PPP1R21: variants seen among roughly 807,000 people sequenced by gnomAD.
PPP1R21 encodes the protein KLRAQ motif containing 1.
In PPP1R21, 85 loss-of-function variants were observed where a neutral mutation model predicts 112.8. The ratio of observed to expected loss-of-function variants is 0.75; its 90% confidence interval spans 0.63 to 0.90. The LOEUF (loss-of-function observed/expected upper bound fraction) is 0.90. PPP1R21 is among the 40% of genes least tolerant of loss of function. The probability of loss-of-function intolerance (pLI) is 0.00; values close to 1 mark genes in which losing one functional copy is unlikely to be tolerated. For missense variants in PPP1R21, 1,199 were observed against 901.5 expected (o/e 1.33, Z -4.23); for synonymous variants, 381 against 322.3 (o/e 1.18, Z -1.95).
intron 17 of PPP1R21, among the ~76,000 whole-genome samples, chr2:48,502,955 C>T (rs564738344): frequency 1.2e-3 from 181 of 152,208 alleles, no homozygotes; most frequent in African/African-American, 4.2e-3. Flanking sequence ...GCTGGGATTA[C>T]AGGTGTGAGC....
chr2:48,502,962 G>C (rs1179440370), intron 17 of PPP1R21, among the ~76,000 whole-genome samples: 1 of 152,068 alleles, frequency 6.6e-6, no homozygotes, highest in Non-Finnish European at 1.5e-5. Flanking sequence ...TTACAGGTGT[G>C]AGCTGCCGCG....
chr2:48,476,443 TTTTCA>T (rs1489792691), intron 12 of PPP1R21, among the ~76,000 whole-genome samples: 1 of 152,190 alleles, frequency 6.6e-6, no homozygotes, highest in Non-Finnish European at 1.5e-5. Context: ...TGGACATCTC[TTTTCA>T]TTTCTTTGGG....
At chr2:48,471,749 T>C (rs1264188938) in intron 11 of PPP1R21, among the ~76,000 whole-genome samples, 1 of 152,216 alleles carries the variant, frequency 6.6e-6, no homozygotes, top group Non-Finnish European at 1.5e-5. Flanking sequence ...AAAAACCTTA[T>C]CTACTCTAGC....
intron 9 of PPP1R21, among the ~76,000 whole-genome samples, chr2:48,469,680 A>G (rs2103843787): frequency 6.6e-6 from 1 of 151,098 alleles, no homozygotes; most frequent in South Asian, 2.1e-4. Context: ...ATACCCACAT[A>G]GTGAGAATCA....
rs148462978 is a variant in PPP1R21, at chr2:48,499,220, T to A, written c.1935+485T>A. On this transcript the variant is annotated intron_variant, in intron 17 of 21. Coordinates refer to ENST00000294952, the MANE Select transcript of PPP1R21 (RefSeq NM_001135629.3). ...GAGTGATCCGTGTACTCTAGAAGAATGCTGGTTAGTAAGCAGGATATCTCC... is the reference window on the plus strand; with the variant it reads ...GAGTGATCCGTGTACTCTAGAAGAAAGCTGGTTAGTAAGCAGGATATCTCC... Among the ~76,000 whole-genome samples the A allele has an allele frequency of 4.2e-3, 632 of 152,286 alleles. 4 individuals are homozygous for A. Among genetic ancestry groups the A allele is most frequent in the African/African-American group, 0.014 (585 of 41,560 alleles).
chr2:48,450,775 AT>A (rs369377217), intron 1 of PPP1R21, among the ~76,000 whole-genome samples: 96 of 146,458 alleles, frequency 6.6e-4, no homozygotes, highest in East Asian at 6.0e-4. Context: ...TTTGCCATTG[AT>A]TTTTTTTTTT....
intron 21 of PPP1R21, among the ~76,000 whole-genome samples, chr2:48,513,732 A>G (rs1042497726): frequency 1.3e-5 from 2 of 152,234 alleles, no homozygotes; most frequent in African/African-American, 4.8e-5. Context: ...TTTGTTTGCT[A>G]TGATCTTGCT....
At chr2:48,449,280 A>G (rs1558417633) in intron 1 of PPP1R21, among the ~76,000 whole-genome samples, 2 of 152,192 alleles carry the variant, frequency 1.3e-5, no homozygotes, top group East Asian at 1.9e-4. Context: ...GCTTTGACAT[A>G]GGTTTCTTAT....
chr2:48,508,340 A>G (rs1670481526), intron 19 of PPP1R21, among the ~76,000 whole-genome samples: 1 of 152,102 alleles, frequency 6.6e-6, no homozygotes, highest in Non-Finnish European at 1.5e-5. Flanking sequence ...GGAAAGATAA[A>G]CCCTTTATTG....
Position 48,511,374 on chromosome 2 carries a change from A to T in PPP1R21, c.2219A>T (p.Asp740Val). The T allele has an allele frequency of 6.2e-7, 1 of 1,613,930 alleles. No homozygotes were observed. The highest frequency in any genetic ancestry group is 8.5e-7 in the Non-Finnish European group (1 of 1,179,992). Reference sequence around the variant, plus strand: ...ACAACTACCAAGAGGAGTTACGAGGATCAGTTAAGTATGATGAGTGACCAC... The same window carrying T: ...ACAACTACCAAGAGGAGTTACGAGGTTCAGTTAAGTATGATGAGTGACCAC... ...ELTTTKRSYE[D>V]QLSMMSDHLC... The change falls in exon 21 of 22, where the codon GAT (aspartate) becomes GTT (valine). Residue 740 changes from aspartate (D) to valine (V), a missense_variant. Physicochemically the swap from Asp to Val is radical, Grantham distance 152. Coordinates refer to ENST00000294952, the MANE Select transcript of PPP1R21 (RefSeq NM_001135629.3).
intron 2 of PPP1R21, among the ~76,000 whole-genome samples, chr2:48,451,935 G>A (rs1050600330): frequency 1.2e-4 from 18 of 152,284 alleles, no homozygotes; most frequent in Middle Eastern, 6.8e-3. Flanking sequence ...GGATCCTACA[G>A]GAGAGAAATC....
chr2:48,450,764 T>C (rs1167335234), intron 1 of PPP1R21, among the ~76,000 whole-genome samples: 1 of 151,654 alleles, frequency 6.6e-6, no homozygotes, highest in African/African-American at 2.4e-5. Context: ...TTAGTCCCAT[T>C]TTTGCCATTG....
intron 20 of PPP1R21, 32 bp downstream of exon 20, chr2:48,510,145 G>C: frequency 1.3e-6 from 2 of 1,529,266 alleles, no homozygotes; most frequent in Non-Finnish European, 1.8e-6. Flanking sequence ...TGGTTTTAAT[G>C]TTTTTTCATT....
At chr2:48,449,864 A>G (rs1667401062) in intron 1 of PPP1R21, among the ~76,000 whole-genome samples, 1 of 151,830 alleles carries the variant, frequency 6.6e-6, no homozygotes, top group Admixed American at 6.6e-5. Flanking sequence ...CCCTGGGAAT[A>G]TTAGTCTGTA....
chr2:48,484,126 C>T (rs1023278992), intron 13 of PPP1R21, among the ~76,000 whole-genome samples: 1 of 152,188 alleles, frequency 6.6e-6, no homozygotes, highest in Non-Finnish European at 1.5e-5. Context: ...ATACTTTTTC[C>T]CCAAGATATA....
At chr2:48,489,589 C>T (rs373209509) in intron 14 of PPP1R21, among the ~76,000 whole-genome samples, 2 of 152,028 alleles carry the variant, frequency 1.3e-5, no homozygotes, top group South Asian at 2.1e-4. Context: ...GTACCCCTGC[C>T]TCAGCCTCTC....
Position 48,441,015 on chromosome 2 carries a change from C to T in PPP1R21, c.57+5C>T, listed in dbSNP as rs752704608. 1.9e-6 allele frequency: 3 copies of T among 1,603,066 alleles called. No individual in the cohort carries two copies. Among genetic ancestry groups the T allele is most frequent in the Admixed American group, 3.3e-5 (2 of 59,828 alleles). On this transcript the variant is annotated splice_donor_5th_base_variant and intron_variant, in intron 1 of 21. Transcript: ENST00000294952. The stretch of plus-strand genomic sequence containing the variant: ...CTGGCTCAGGAGTACTCGAAGGTAC[C>T]CATCGTGGTCTGGGAGTAGGGGGTC...
chr2:48,503,502 G>A (rs1028633964), intron 17 of PPP1R21, among the ~76,000 whole-genome samples: 2 of 152,134 alleles, frequency 1.3e-5, no homozygotes, highest in Non-Finnish European at 2.9e-5. Context: ...ACCTCAGGAT[G>A]TATTCTCAGA....
intron 15 of PPP1R21, among the ~76,000 whole-genome samples, chr2:48,492,938 T>C (rs950495309): frequency 3.9e-5 from 6 of 152,170 alleles, no homozygotes; most frequent in African/African-American, 1.4e-4. Flanking sequence ...TATTTGCTTG[T>C]TAATGAGGTG....
Sources: gnomAD v4.1 joint callset for allele counts (sites outside exome capture counted in the v4.1 genomes callset) on GRCh38, gnomAD v4.1.1 for gene constraint, MANE v1.5 for transcripts, NCBI Gene and HGNC (gene_info 2026-07-23, HGNC 2026-07-21) for gene names.